The following ZFHX3 variants were observed in gnomAD, a reference collection of about 807,000 sequenced individuals.
The protein encoded by ZFHX3 is zinc finger homeobox protein 3.
In ZFHX3, 42 loss-of-function variants were observed where a neutral mutation model predicts 279.1. That is an observed-to-expected ratio of 0.15 (90% CI 0.12 to 0.19). ZFHX3 has a LOEUF of 0.19. Ranked by LOEUF, ZFHX3 falls within the 10% of genes least tolerant of loss-of-function variation. The pLI is 1.00. For missense variants in ZFHX3, 4,981 were observed against 4,754.0 expected (o/e 1.05, Z -1.40); for synonymous variants, 2,293 against 1,957.8 (o/e 1.17, Z -4.52).
intron 2 of ZFHX3, among the ~76,000 whole-genome samples, chr16:73,656,491 C>A (rs1023843446): frequency 6.6e-6 from 1 of 152,108 alleles, no homozygotes. Flanking sequence ...TAGGGAGGAT[C>A]AAGGGGTTGG....
At chr16:73,115,925 C>G (rs779224910) in intron 7 of ZFHX3, among the ~76,000 whole-genome samples, 149 of 152,148 alleles carry the variant, frequency 9.8e-4, no homozygotes, top group Middle Eastern at 6.8e-3. Context: ...TGCAGAACAG[C>G]CTGACCAACA....
At chr16:73,286,890 CTGTGTAGG>C (rs2014619287) in intron 4 of ZFHX3, among the ~76,000 whole-genome samples, 3 of 107,426 alleles carry the variant, frequency 2.8e-5, no homozygotes, top group African/African-American at 3.7e-5. Context: ...TGGTGTGTGG[CTGTGTAGG>C]TGTGTGGGTT....
At chr16:73,009,013 A>G (rs1963817101) in intron 1 of ZFHX3, among the ~76,000 whole-genome samples, 1 of 152,174 alleles carries the variant, frequency 6.6e-6, no homozygotes, top group Non-Finnish European at 1.5e-5. Context: ...TGTCAGGAAC[A>G]TGAAGCTGAG....
At chr16:72,982,564 T>C (rs1207771842) in intron 1 of ZFHX3, among the ~76,000 whole-genome samples, 1 of 152,214 alleles carries the variant, frequency 6.6e-6, no homozygotes, top group Non-Finnish European at 1.5e-5. Context: ...GGAGGTATTT[T>C]CATTGATCAC....
Position 73,268,423 on chromosome 16 carries a change from G to A in ZFHX3, c.-1193-11287C>T, listed in dbSNP as rs549259750. ...TGCCCAGTTACCCAGCGAGAGTCAC[G>A]TCCCAGACCCTACCCACAGGAGACT... On this transcript the variant is annotated intron_variant, in intron 4 of 17. Coordinates refer to the ZFHX3 transcript ENST00000641206. Among the ~76,000 whole-genome samples the A allele has an allele frequency of 5.0e-4, 76 of 152,270 alleles. 1 individual carries two copies. In the South Asian group the frequency reaches 0.014, roughly 29 times the overall value.
At chr16:73,377,661 C>A (rs1188341955) in intron 3 of ZFHX3, among the ~76,000 whole-genome samples, 2 of 149,660 alleles carry the variant, frequency 1.3e-5, no homozygotes, top group Non-Finnish European at 3.0e-5. Context: ...CAATCCCCAT[C>A]CCTTAACATT....
At chr16:73,139,577 C>T (rs1966841048) in intron 6 of ZFHX3, among the ~76,000 whole-genome samples, 1 of 152,208 alleles carries the variant, frequency 6.6e-6, no homozygotes, top group Non-Finnish European at 1.5e-5. Flanking sequence ...TTACGCTGTT[C>T]TCCTAAAGTC....
intron 4 of ZFHX3, among the ~76,000 whole-genome samples, chr16:73,273,045 C>T (rs1308474710): frequency 6.6e-6 from 1 of 152,134 alleles, no homozygotes; most frequent in Non-Finnish European, 1.5e-5. Context: ...CCGTGCCCAG[C>T]CAAGGGTGTC....
intron 5 of ZFHX3, among the ~76,000 whole-genome samples, chr16:73,168,124 GTTCTT>G (rs1423493996): frequency 6.6e-6 from 1 of 152,018 alleles, no homozygotes; most frequent in African/African-American, 2.4e-5. Context: ...TGAATTCATA[GTTCTT>G]TTCATTACTT....
intron 4 of ZFHX3, among the ~76,000 whole-genome samples, chr16:73,311,248 A>C (rs2015318048): frequency 6.6e-6 from 1 of 152,086 alleles, no homozygotes; most frequent in East Asian, 1.9e-4. Context: ...CACAAAAAAA[A>C]ACAAAAAACA....
At chr16:73,797,458 C>T (rs1408762335) in intron 1 of ZFHX3, among the ~76,000 whole-genome samples, 1 of 152,178 alleles carries the variant, frequency 6.6e-6, no homozygotes, top group Non-Finnish European at 1.5e-5. Flanking sequence ...ACACAGGCTG[C>T]TGGTTAAATG....
At chr16:73,372,727 G>A (rs759205418) in intron 3 of ZFHX3, among the ~76,000 whole-genome samples, 3 of 152,150 alleles carry the variant, frequency 2.0e-5, no homozygotes, top group Non-Finnish European at 2.9e-5. Context: ...GGATGATTCC[G>A]GTGACACTGG....
rs139760489 is a variant in ZFHX3 at position 72,906,810 on chromosome 16, C to G, written c.3217-16848G>C. Reference sequence around the variant, plus strand: ...GAGACTCTGTCCACCCCCCTTCCCCCCCTCAAAAAACTAATGACTGGGAAA... The same window carrying G: ...GAGACTCTGTCCACCCCCCTTCCCCGCCTCAAAAAACTAATGACTGGGAAA... On this transcript the variant is annotated intron_variant, in intron 3 of 9. Transcript: ENST00000268489. 8.8e-3 allele frequency among the ~76,000 whole-genome samples: 1,345 copies of G among 152,108 alleles called. 24 individuals carry two copies. Among genetic ancestry groups the G allele is most frequent in the African/African-American group, 0.03 (1,239 of 41,490 alleles).
intron 3 of ZFHX3, 57 bp downstream of exon 3, chr16:72,950,412 G>A (rs1223522860): frequency 6.3e-7 from 1 of 1,580,550 alleles, no homozygotes; most frequent in Admixed American, 1.7e-5. Context: ...TAACTCCCCG[G>A]TGCGCAACCC....
At chr16:73,599,357 A>G (rs2052087214) in intron 2 of ZFHX3, among the ~76,000 whole-genome samples, 1 of 152,228 alleles carries the variant, frequency 6.6e-6, no homozygotes, top group African/African-American at 2.4e-5. Flanking sequence ...AGAAAAGTCA[A>G]TCTAAAACCA....
intron 4 of ZFHX3, among the ~76,000 whole-genome samples, chr16:73,263,079 T>G (rs1217106897): frequency 6.6e-6 from 1 of 152,182 alleles, no homozygotes; most frequent in African/African-American, 2.4e-5. Context: ...ATCAATAAAA[T>G]GCTTGTTGTT....
chr16:73,709,058 T>C (rs2053332360), intron 1 of ZFHX3, among the ~76,000 whole-genome samples: 1 of 152,138 alleles, frequency 6.6e-6, no homozygotes, highest in African/African-American at 2.4e-5. Flanking sequence ...GGTACCTATC[T>C]CCACAAGGTT....
intron 5 of ZFHX3, among the ~76,000 whole-genome samples, chr16:73,205,116 C>T (rs1358681747): frequency 1.3e-5 from 2 of 152,038 alleles, no homozygotes; most frequent in African/African-American, 2.4e-5. Flanking sequence ...TCCAAGTGAC[C>T]CTGATTGATG....
chr16:73,697,843 G>A lies in ZFHX3; in HGVS notation c.-1607-17603C>T, dbSNP rs374975570. On this transcript the variant is annotated intron_variant, in intron 1 of 17. Transcript: ENST00000641206. Reference sequence around the variant, plus strand: ...TGGTTGTATGCATGGGCTGGAAAACGTATGTTTATTTCCAAGCTCTGTTTG... The same window carrying A: ...TGGTTGTATGCATGGGCTGGAAAACATATGTTTATTTCCAAGCTCTGTTTG... Among the ~76,000 whole-genome samples, 84 of 152,174 alleles carry A rather than the reference G, an allele frequency of 5.5e-4. 1 individual carries two copies. Among genetic ancestry groups the A allele is most frequent in the African/African-American group, 1.8e-3 (74 of 41,540 alleles).
Sources: gnomAD v4.1 joint callset for allele counts (sites outside exome capture counted in the v4.1 genomes callset) on GRCh38, gnomAD v4.1.1 for gene constraint, MANE v1.5 for transcripts, NCBI Gene and HGNC (gene_info 2026-07-23, HGNC 2026-07-21) for gene names.